The following ADRA1B variants were observed in gnomAD, a reference collection of about 807,000 sequenced individuals.
ADRA1B encodes adrenoceptor alpha 1B, also known as alpha-1B adrenergic receptor.
In ADRA1B, 17 loss-of-function variants were observed where a neutral mutation model predicts 17.9. The ratio of observed to expected loss-of-function variants is 0.95; its 90% CI spans 0.65 to 1.42. The LOEUF (loss-of-function observed/expected upper bound fraction) is 1.42. ADRA1B is among the 40% of genes most tolerant of loss of function. The pLI, the probability that ADRA1B is intolerant of heterozygous loss-of-function variation, is 0.00. For missense variants in ADRA1B, 681 were observed against 722.1 expected (o/e 0.94, Z 0.65); for synonymous variants, 366 against 327.6 (o/e 1.12, Z -1.27).
intron 1 of ADRA1B, among the ~76,000 whole-genome samples, chr5:159,927,768 C>T (rs11952941): frequency 0.5 from 76,209 of 151,878 alleles, 19,282 homozygotes; most frequent in East Asian, 0.73. Context: ...ATAGTGCAGA[C>T]GTCCAATAGT....
At chr5:159,965,465 C>G (rs1475007853) in intron 1 of ADRA1B, among the ~76,000 whole-genome samples, 2 of 152,202 alleles carry the variant, frequency 1.3e-5, no homozygotes, top group Non-Finnish European at 2.9e-5. Flanking sequence ...TCCCCTCACC[C>G]AGCAGCTTCA....
intron 1 of ADRA1B, among the ~76,000 whole-genome samples, chr5:159,925,482 A>T (rs1342507878): frequency 4.6e-5 from 7 of 152,180 alleles, no homozygotes; most frequent in Non-Finnish European, 1.0e-4. Context: ...GGCTGCATAC[A>T]TTTCAGACCC....
chr5:159,883,468 A>G (rs995217907), intron 1 of ADRA1B, among the ~76,000 whole-genome samples: 19 of 152,192 alleles, frequency 1.2e-4, no homozygotes, highest in African/African-American at 4.6e-4. Context: ...TCAGTACAAG[A>G]CTTAAAGGGC....
At chr5:159,921,592 G>A (rs2113164523) in intron 1 of ADRA1B, among the ~76,000 whole-genome samples, 1 of 152,268 alleles carries the variant, frequency 6.6e-6, no homozygotes, top group Non-Finnish European at 1.5e-5. Context: ...TTAGTGAGTT[G>A]TTTAGAAAAC....
intron 1 of ADRA1B, among the ~76,000 whole-genome samples, chr5:159,939,437 G>C (rs1477264035): frequency 6.6e-6 from 1 of 151,984 alleles, no homozygotes; most frequent in Non-Finnish European, 1.5e-5. Context: ...GCTCAAGCTG[G>C]TACCCTGCTG....
intron 1 of ADRA1B, among the ~76,000 whole-genome samples, chr5:159,959,735 G>T (rs992889110): frequency 2.0e-5 from 3 of 151,160 alleles, no homozygotes; most frequent in African/African-American, 7.3e-5. Context: ...TATATGTGAA[G>T]ATATCATTAC....
At chr5:159,866,097 A>AG (rs1753649016) in intron 1 of ADRA1B, among the ~76,000 whole-genome samples, 1 of 152,292 alleles carries the variant, frequency 6.6e-6, no homozygotes, top group African/African-American at 2.4e-5. Context: ...GGACAAGATA[A>AG]TGATGCCCAG....
At chr5:159,893,370 G>C (rs1029469937) in intron 1 of ADRA1B, among the ~76,000 whole-genome samples, 1 of 152,270 alleles carries the variant, frequency 6.6e-6, no homozygotes, top group African/African-American at 2.4e-5. Flanking sequence ...CTTATGCCCA[G>C]TGCCTTATCC....
In ADRA1B at chr5:159,917,491, G is replaced by A. The variant is rs745591182; in HGVS notation, c.586G>A (p.Gly196Arg). 5.6e-6 allele frequency: 9 copies of A among 1,613,856 alleles called. No individual in the cohort carries two copies. Among genetic ancestry groups the A allele is most frequent in the Middle Eastern group, 1.6e-4 (1 of 6,084 alleles). ...GGCACCCAACGATGACAAGGAGTGCGGGGTCACCGAAGAACCCTTCTATGC... is the reference window on the plus strand; with the variant it reads ...GGCACCCAACGATGACAAGGAGTGCAGGGTCACCGAAGAACCCTTCTATGC... ...EPAPNDDKECGVTEEPFYALF... is the reference protein window; with the variant it reads ...EPAPNDDKECRVTEEPFYALF... The change falls in exon 1 of 2, where the codon GGG (glycine) becomes AGG (arginine). Residue 196 changes from glycine to arginine, a missense_variant. Physicochemically the swap from Gly to Arg is moderately radical, Grantham distance 125. This residue lies in a region of ADRA1B where 424 missense variants were observed against 480.2 expected (regional missense o/e 0.88). Coordinates refer to ENST00000306675, the MANE Select transcript of ADRA1B (RefSeq NM_000679.4).
intron 1 of ADRA1B, among the ~76,000 whole-genome samples, chr5:159,890,514 T>C (rs931700177): frequency 6.6e-6 from 1 of 152,200 alleles, no homozygotes; most frequent in African/African-American, 2.4e-5. Context: ...TGATCCACAA[T>C]GTTCAGGCAT....
At chr5:159,980,785 G>A in the ADRA1B span, among the ~76,000 whole-genome samples, 9,212 of 152,046 alleles carry the variant, frequency 0.061, 965 homozygotes, top group African/African-American at 0.21. Flanking sequence ...GTGAGGAAAC[G>A]GGGAAAATGG....
chr5:159,939,646 A>G (rs1755071118), intron 1 of ADRA1B, among the ~76,000 whole-genome samples: 1 of 152,170 alleles, frequency 6.6e-6, no homozygotes, highest in Non-Finnish European at 1.5e-5. Context: ...CCTGTAAGAC[A>G]GAGATGACAT....
chr5:159,935,465 G>A (rs897505686), intron 1 of ADRA1B, among the ~76,000 whole-genome samples: 5 of 151,920 alleles, frequency 3.3e-5, no homozygotes, highest in African/African-American at 4.8e-5. Context: ...TATAAAAGGC[G>A]CCCCACCCCT....
At chr5:159,887,028 G>T (rs374966917) in intron 1 of ADRA1B, among the ~76,000 whole-genome samples, 3 of 152,124 alleles carry the variant, frequency 2.0e-5, no homozygotes, top group East Asian at 3.9e-4. Flanking sequence ...TGAGTGGATA[G>T]ATAACGTGTT....
downstream of ADRA1B, among the ~76,000 whole-genome samples, chr5:159,976,096 A>G (rs1028298243): frequency 6.6e-6 from 1 of 152,194 alleles, no homozygotes; most frequent in African/African-American, 2.4e-5. Context: ...AGAGATAATA[A>G]TACTAATTAC....
chr5:159,894,946 C>A (rs567670070), intron 1 of ADRA1B, among the ~76,000 whole-genome samples: 2 of 152,312 alleles, frequency 1.3e-5, no homozygotes, highest in East Asian at 3.9e-4. Context: ...TGTTCACATA[C>A]CTCCGCTAGT....
intron 1 of ADRA1B, among the ~76,000 whole-genome samples, chr5:159,888,949 C>T (rs1000938008): frequency 3.3e-5 from 5 of 152,172 alleles, no homozygotes; most frequent in African/African-American, 1.2e-4. Context: ...TTAGTTGCAG[C>T]CAAAAACATC....
chr5:159,877,366 G>A (rs368191690), intron 1 of ADRA1B, among the ~76,000 whole-genome samples: 10 of 152,248 alleles, frequency 6.6e-5, no homozygotes, highest in Admixed American at 3.9e-4. Context: ...AGGTCATGCC[G>A]GGAGCCAGCT....
In ADRA1B at chr5:159,917,757, T is replaced by C; in HGVS notation, c.852T>C (p.Phe284=). 5 of 1,614,106 alleles carry C rather than the reference T, an allele frequency of 3.1e-6. No homozygotes were observed. Among genetic ancestry groups the C allele is most frequent in the Non-Finnish European group, 4.2e-6 (5 of 1,180,028 alleles). ...GGAGTTCCATAGCTGTCAAACTTTT[T>C]AAGTTCTCCAGGGAAAAGAAAGCAG... is the stretch of plus-strand genomic sequence containing the variant. The part of the protein sequence containing the change: ...NPRSSIAVKL[F]KFSREKKAAK... Residue 284 remains phenylalanine (F), a synonymous_variant, in exon 1 of 2, where the codon TTT becomes TTC. Coordinates refer to ENST00000306675, the MANE Select transcript of ADRA1B (RefSeq NM_000679.4).
Sources: gnomAD v4.1 joint callset for allele counts (sites outside exome capture counted in the v4.1 genomes callset) on GRCh38, gnomAD v4.1.1 for gene constraint, gnomAD v4.1.1 regional missense constraint, MANE v1.5 for transcripts, NCBI Gene and HGNC (gene_info 2026-07-23, HGNC 2026-07-21) for gene names.